NXPH1: variants seen among roughly 807,000 people sequenced by gnomAD.
The protein encoded by NXPH1 is neurexophilin-1.
NXPH1 carries 5 observed loss-of-function variants against 23.7 expected under a neutral mutation model. The observed-to-expected ratio is 0.21, with a 90% CI of 0.11 to 0.44. The LOEUF (loss-of-function observed/expected upper bound fraction) is 0.44. NXPH1 is among the 20% of genes least tolerant of loss of function. The probability of loss-of-function intolerance (pLI) is 0.99; values close to 1 mark genes in which losing one functional copy is unlikely to be tolerated. For missense variants in NXPH1, 324 were observed against 321.6 expected (o/e 1.01, Z -0.06); for synonymous variants, 144 against 122.2 (o/e 1.18, Z -1.18).
At chr7:8,499,581 G>C (rs556367675) in intron 2 of NXPH1, among the ~76,000 whole-genome samples, 1 of 152,200 alleles carries the variant, frequency 6.6e-6, no homozygotes, top group South Asian at 2.1e-4. Flanking sequence ...GTACAAGTAA[G>C]TGAGTGTATG....
intron 2 of NXPH1, among the ~76,000 whole-genome samples, chr7:8,588,399 G>T (rs937873315): frequency 2.6e-5 from 4 of 152,104 alleles, no homozygotes; most frequent in South Asian, 2.1e-4. Context: ...TATTAAAACT[G>T]CACTGGGATA....
At chr7:8,655,578 GTGTGTGTGTGTGTGTATGTTTA>G in intron 2 of NXPH1, among the ~76,000 whole-genome samples, 1 of 73,682 alleles carries the variant, frequency 1.4e-5, no homozygotes, top group Non-Finnish European at 3.1e-5. Flanking sequence ...ATGTGTGTGT[GTGTGTGTGTGTGTGTATGTTTA>G]TGTGTGTGTG....
At chr7:8,730,547 A>G (rs1363100349) in intron 2 of NXPH1, among the ~76,000 whole-genome samples, 1 of 151,214 alleles carries the variant, frequency 6.6e-6, no homozygotes, top group African/African-American at 2.4e-5. Flanking sequence ...TGGTGACAAA[A>G]TCTCTCAGCA....
intron 2 of NXPH1, among the ~76,000 whole-genome samples, chr7:8,443,394 G>A (rs1484866531): frequency 6.6e-6 from 1 of 152,228 alleles, no homozygotes; most frequent in Non-Finnish European, 1.5e-5. Context: ...AGCTAGAAGT[G>A]TCTCTAGTAA....
chr7:8,485,769 G>C (rs1817148608), intron 2 of NXPH1, among the ~76,000 whole-genome samples: 1 of 152,078 alleles, frequency 6.6e-6, no homozygotes, highest in Non-Finnish European at 1.5e-5. Flanking sequence ...GACATCAGAG[G>C]CAATAATTAC....
Position 8,435,402 on chromosome 7 carries a change from G to A in NXPH1, c.-110-202G>A, listed in dbSNP as rs1584152530. The stretch of plus-strand genomic sequence containing the variant: ...CAAGGAGCCCCTCACCCTCCCTCTC[G>A]TCCGCCCGCCCGCCTCCCCAGCTGC... On this transcript the variant is annotated intron_variant, in intron 1 of 2. Coordinates refer to ENST00000405863, the MANE Select transcript of NXPH1 (RefSeq NM_152745.3). The surrounding 1 kb of genome is among the most constrained non-coding windows in gnomAD (Gnocchi z 5.9). The A allele has an allele frequency of 2.2e-6, 1 of 464,284 alleles. No individual in the cohort carries two copies. The highest frequency in any genetic ancestry group is 3.9e-6 in the Non-Finnish European group (1 of 256,686). The allele number at this position is 464,284 out of a possible 1,614,324, so 28.8% of individuals were successfully genotyped here. A position where few individuals can be genotyped will look rare whatever the true frequency, so the allele number is the denominator to read the frequency against.
chr7:8,592,600 C>G (rs1819121861), intron 2 of NXPH1, among the ~76,000 whole-genome samples: 1 of 151,946 alleles, frequency 6.6e-6, no homozygotes, highest in Non-Finnish European at 1.5e-5. Context: ...TTTTAATTCA[C>G]TAAAGCAGAA....
At chr7:8,623,098 T>TA (rs1819908743) in intron 2 of NXPH1, among the ~76,000 whole-genome samples, 1 of 152,008 alleles carries the variant, frequency 6.6e-6, no homozygotes, top group Non-Finnish European at 1.5e-5. Context: ...AAATACAGGG[T>TA]AAAATCACAG....
intron 2 of NXPH1, among the ~76,000 whole-genome samples, chr7:8,522,528 G>A (rs1043192601): frequency 1.3e-5 from 2 of 152,126 alleles, no homozygotes; most frequent in Non-Finnish European, 1.5e-5. Context: ...TGAGAGACAT[G>A]TTTATGAATT....
chr7:8,729,022 T>A (rs1780104358), intron 2 of NXPH1, among the ~76,000 whole-genome samples: 1 of 151,876 alleles, frequency 6.6e-6, no homozygotes, highest in Non-Finnish European at 1.5e-5. Context: ...TCAGATCCTG[T>A]TATTGGTCTA....
At chr7:8,470,855 C>A (rs565501925) in intron 2 of NXPH1, among the ~76,000 whole-genome samples, 2 of 151,722 alleles carry the variant, frequency 1.3e-5, no homozygotes, top group African/African-American at 4.9e-5. Flanking sequence ...TATGGCTCTG[C>A]GATGATGAAA....
intron 2 of NXPH1, among the ~76,000 whole-genome samples, chr7:8,477,524 C>A (rs1584182005): frequency 6.6e-6 from 1 of 152,062 alleles, no homozygotes; most frequent in African/African-American, 2.4e-5. Context: ...TACAAATGTA[C>A]AATAGGATAG....
intron 2 of NXPH1, among the ~76,000 whole-genome samples, chr7:8,671,495 AC>A (rs1471860764): frequency 6.6e-6 from 1 of 152,220 alleles, no homozygotes; most frequent in East Asian, 1.9e-4. Flanking sequence ...GGAATGAGGT[AC>A]TATGGAAGGC....
At chr7:8,608,052 G>A (rs375835823) in intron 2 of NXPH1, among the ~76,000 whole-genome samples, 1 of 152,190 alleles carries the variant, frequency 6.6e-6, no homozygotes, top group African/African-American at 2.4e-5. Context: ...TCTATCCGGA[G>A]TCTCAGAGAG....
intron 2 of NXPH1, among the ~76,000 whole-genome samples, chr7:8,546,241 T>C (rs1818196010): frequency 6.6e-6 from 1 of 151,366 alleles, no homozygotes; most frequent in Admixed American, 6.6e-5. Context: ...CAAAATTGAG[T>C]ACATGAAAGT....
chr7:8,567,458 A>G (rs549731436), intron 2 of NXPH1, among the ~76,000 whole-genome samples: 1 of 152,032 alleles, frequency 6.6e-6, no homozygotes, highest in East Asian at 1.9e-4. Flanking sequence ...CTGATATGCA[A>G]TCCTTAGAAT....
chr7:8,601,845 C>T (rs553580263), intron 2 of NXPH1, among the ~76,000 whole-genome samples: 22 of 152,248 alleles, frequency 1.4e-4, no homozygotes, highest in South Asian at 6.2e-4. Flanking sequence ...GCAGGATATT[C>T]GGTAAAATGC....
chr7:8,467,442 T>C (rs188950763), intron 2 of NXPH1, among the ~76,000 whole-genome samples: 12 of 152,332 alleles, frequency 7.9e-5, no homozygotes, highest in African/African-American at 2.9e-4. Context: ...CTTATGCTTT[T>C]ATTATGGCTC....
Position 8,469,760 on chromosome 7 carries a change from A to G in NXPH1, c.54+33993A>G, listed in dbSNP as rs191962620. Among the ~76,000 whole-genome samples the G allele has an allele frequency of 3.9e-5, 6 of 152,250 alleles. No homozygotes were observed. The East Asian group carries it at 9.6e-4, about 24-fold the overall frequency. On this transcript the variant is annotated intron_variant, in intron 2 of 2. Transcript: ENST00000405863. ...TTATTGCTAACTATAGAAGTCTTCCATATGTATGATAACTACCAAAGACTA... is the reference window on the plus strand; with the variant it reads ...TTATTGCTAACTATAGAAGTCTTCCGTATGTATGATAACTACCAAAGACTA...
Sources: allele counts gnomAD v4.1 joint callset (sites outside exome capture counted in the v4.1 genomes callset), GRCh38; gene constraint gnomAD v4.1.1; non-coding constraint Gnocchi (gnomAD v3.1); transcripts MANE v1.5; gene names NCBI Gene and HGNC (gene_info 2026-07-23, HGNC 2026-07-21).